Variants in GFPT2 observed in about 807,000 individuals in gnomAD.
GFPT2 encodes the protein glutamine--fructose-6-phosphate transaminase 2.
Under a neutral mutation model 85.6 loss-of-function variants are expected in GFPT2, and 62 were observed. That is an observed-to-expected ratio of 0.72 (90% confidence interval 0.59 to 0.90). GFPT2 has a LOEUF of 0.90. Ranked by LOEUF, GFPT2 falls within the 40% of genes least tolerant of loss-of-function variation. The pLI, the probability that GFPT2 is intolerant of heterozygous loss-of-function variation, is 0.00. For synonymous variants in GFPT2, 368 were observed against 344.5 expected (o/e 1.07, Z -0.75); for missense variants, 788 against 893.4 (o/e 0.88, Z 1.50).
At chr5:180,338,752 C>T (rs1314248434) in intron 1 of GFPT2, 152 bp from the exon 2 acceptor site, 6 of 577,814 alleles carry the variant, frequency 1.0e-5, no homozygotes, top group East Asian at 5.9e-5. Context: ...AGCTGAAGAA[C>T]GGTGCACCCC....
rs1380481860 is a variant in GFPT2 at position 180,324,188 on chromosome 5, C to T, written c.794G>A (p.Ser265Asn). 13 of 1,553,856 alleles carry T rather than the reference C, an allele frequency of 8.4e-6. No homozygotes were observed. Among genetic ancestry groups the T allele is most frequent in the Non-Finnish European group, 1.2e-5 (13 of 1,126,262 alleles). Residue 265 changes from serine to asparagine, a missense_variant and splice_region_variant, in exon 9 of 19, where the codon AGC (serine) becomes AAC (asparagine). Physicochemically the swap from Ser to Asn is conservative, Grantham distance 46 (BLOSUM62 1). Transcript: ENST00000253778. Reference sequence around the variant, plus strand: ...AGCGAAGAGAAGAAGGCTCAGTTACCTTGCATCAGAAGCAAAGAAGAATTC... The same window carrying T: ...AGCGAAGAGAAGAAGGCTCAGTTACTTTGCATCAGAAGCAAAGAAGAATTC... ...AVEFFFASDASAIIEHTNRVI... is the reference protein window; with the variant it reads ...AVEFFFASDANAIIEHTNRVI...
intron 16 of GFPT2, 31 bp from the exon 17 acceptor site, chr5:180,304,970 C>G: frequency 2.0e-6 from 3 of 1,527,172 alleles, no homozygotes; most frequent in Non-Finnish European, 2.7e-6. Context: ...CAGAGTCACA[C>G]TGGGCAGATG....
Position 180,318,687 on chromosome 5 carries a change from G to A in GFPT2, c.958+106C>T. 1.1e-6 allele frequency: 1 copy of A among 949,320 alleles called. No individual in the cohort carries two copies. The highest frequency in any genetic ancestry group is 1.6e-6 in the Non-Finnish European group (1 of 621,774). The allele number at this position is 949,320 out of a possible 1,614,324, so 58.8% of individuals were successfully genotyped here. ...GCAGCCCCGCCCTGGTGGCCACAGA[G>A]GGCAGGAGGGCTGTGGCCTCTACTA... On this transcript the variant is annotated intron_variant, in intron 10 of 18. Coordinates refer to ENST00000253778, the MANE Select transcript of GFPT2 (RefSeq NM_005110.4). This position sits in a 1 kb window ranked among gnomAD's most constrained non-coding sequence, Gnocchi z 4.2.
At position 180,328,318 on chromosome 5, in the gene GFPT2, A is replaced by G; in HGVS notation, c.555T>C (p.Val185=). 1 of 1,613,476 alleles carries G rather than the reference A, an allele frequency of 6.2e-7. No individual in the cohort carries two copies. Among genetic ancestry groups the G allele is most frequent in the Non-Finnish European group, 8.5e-7 (1 of 1,179,494 alleles). The stretch of plus-strand genomic sequence containing the variant: ...CTCCTGGGTAGTGGACACTCTTGAA[A>G]ACCAGCGCGAATGCACCTTCCTGAA... ...IQQLEGAFAL[V]FKSVHYPGEA... is the part of the protein sequence containing the mutation. Residue 185 remains valine (V), a synonymous_variant, in exon 7 of 19, where the codon GTT becomes GTC. Transcript: ENST00000253778. The surrounding 1 kb of genome is among the most constrained non-coding windows in gnomAD (Gnocchi z 5.4).
chr5:180,338,524 C>T lies in GFPT2; in HGVS notation c.84G>A (p.Gln28=), dbSNP rs1561882992. 1 of 1,611,814 alleles carries T rather than the reference C, an allele frequency of 6.2e-7. No individual in the cohort carries two copies. Among genetic ancestry groups the T allele is most frequent in the East Asian group, 2.2e-5 (1 of 44,872 alleles). Residue 28 remains glutamine, a synonymous_variant, in exon 2 of 19, where the codon CAG becomes CAA. Coordinates refer to ENST00000253778, the MANE Select transcript of GFPT2 (RefSeq NM_005110.4). Reference sequence around the variant, plus strand: ...AGTCGTAGCCTCTGTACTCCAGCCGCTGCAGGCCCTTGATGAGGGTTTCGA... The same window carrying T: ...AGTCGTAGCCTCTGTACTCCAGCCGTTGCAGGCCCTTGATGAGGGTTTCGA... ...EIFETLIKGL[Q]RLEYRGYDSA...
chr5:180,331,775 G>A (rs1298127812), intron 4 of GFPT2: 1 of 546,406 alleles, frequency 1.8e-6, no homozygotes, highest in Non-Finnish European at 3.3e-6. Context: ...TACTACAATG[G>A]GATCCGGAGG....
chr5:180,314,443 C>T (rs1763963023), intron 13 of GFPT2, among the ~76,000 whole-genome samples: 1 of 152,254 alleles, frequency 6.6e-6, no homozygotes, highest in Non-Finnish European at 1.5e-5. Flanking sequence ...TTGCAAGCCT[C>T]TCAGTGTGGA....
chr5:180,315,463 C>T (rs780897967), intron 13 of GFPT2, among the ~76,000 whole-genome samples: 6 of 151,836 alleles, frequency 4.0e-5, no homozygotes, highest in Non-Finnish European at 5.9e-5. Context: ...CAGGCGTGAG[C>T]CACCGCGCCC....
rs1254857892 is a variant in GFPT2 at position 180,307,342 on chromosome 5, G to A, written c.1547-39C>T. 1.9e-6 allele frequency: 3 copies of A among 1,609,394 alleles called. No homozygotes were observed. The South Asian group carries it at 3.3e-5, about 18-fold the overall frequency. On this transcript the variant is annotated intron_variant, in intron 15 of 18. Coordinates refer to ENST00000253778, the MANE Select transcript of GFPT2 (RefSeq NM_005110.4). ...GGAGCAGAGGGAGAAAACCAGTCAGGCCGACTTTAAAGCAATATTCATGAA... is the reference window on the plus strand; with the variant it reads ...GGAGCAGAGGGAGAAAACCAGTCAGACCGACTTTAAAGCAATATTCATGAA...
At chr5:180,325,228 A>G (rs1764194002) in intron 7 of GFPT2, among the ~76,000 whole-genome samples, 1 of 152,260 alleles carries the variant, frequency 6.6e-6, no homozygotes, top group Admixed American at 6.5e-5. Flanking sequence ...TTGGCAGCAG[A>G]GGAGGCGCTG....
At chr5:180,302,302 A>AAAGC in intron 18 of GFPT2, 121 bp downstream of exon 18, 1 of 716,714 alleles carries the variant, frequency 1.4e-6, no homozygotes, top group Non-Finnish European at 2.1e-6. Flanking sequence ...AAAAAAAAAG[A>AAAGC]AAGCTACTTT....
chr5:180,346,260 G>C (rs1029703013), intron 1 of GFPT2, among the ~76,000 whole-genome samples: 3 of 152,066 alleles, frequency 2.0e-5, no homozygotes, highest in African/African-American at 4.8e-5. Context: ...GCAAGCCTGG[G>C]CTCACCACTT....
At chr5:180,306,515 G>A (rs551794686) in intron 16 of GFPT2, among the ~76,000 whole-genome samples, 1 of 152,384 alleles carries the variant, frequency 6.6e-6, no homozygotes, top group African/African-American at 2.4e-5. Flanking sequence ...GGGCAGCCCT[G>A]TGGCCCTGGC....
At chr5:180,324,995 C>A (rs1581379243) in intron 7 of GFPT2, 100 bp from the exon 8 acceptor site, 2 of 795,046 alleles carry the variant, frequency 2.5e-6, no homozygotes, top group East Asian at 4.9e-5. Flanking sequence ...CTAGCCCTTT[C>A]CCAGTGGTGG....
intron 13 of GFPT2, among the ~76,000 whole-genome samples, chr5:180,316,032 C>T (rs58437941): frequency 0.024 from 3,634 of 152,270 alleles, 117 homozygotes; most frequent in East Asian, 0.14. Flanking sequence ...ATGAGCACTT[C>T]GGTAAGTGGT....
intron 11 of GFPT2, 37 bp downstream of exon 11, chr5:180,316,926 G>A: frequency 6.4e-7 from 1 of 1,554,658 alleles, no homozygotes; most frequent in Non-Finnish European, 8.9e-7. Context: ...CTGAGACTAG[G>A]CTCGGGCGGA....
Position 180,304,839 on chromosome 5 carries a change from A to G in GFPT2, c.1775T>C (p.Met592Thr), listed in dbSNP as rs2127645927. 6.2e-7 allele frequency: 1 copy of G among 1,614,150 alleles called. No individual in the cohort carries two copies. The highest frequency in any genetic ancestry group is 1.7e-4 in the Middle Eastern group (1 of 6,058). ...GAAGCAAGGATCCTTCATAATGACC[A>G]TGATGACGGGCATCTGCTTGTCAAT... ...ALIDKQMPVIMVIMKDPCFAK... is the reference protein window; with the variant it reads ...ALIDKQMPVITVIMKDPCFAK... The change falls in exon 17 of 19, where the codon ATG (methionine) becomes ACG (threonine). Residue 592 changes from methionine to threonine, a missense_variant. Transcript: ENST00000253778.
At chr5:180,313,617 T>A (rs1470831937) in intron 14 of GFPT2, among the ~76,000 whole-genome samples, 190 bp downstream of exon 14, 3 of 146,006 alleles carry the variant, frequency 2.1e-5, no homozygotes, top group African/African-American at 7.7e-5. Context: ...AAAATAAAAA[T>A]AAAAATAAAA....
At chr5:180,310,728 GGGA>G in intron 15 of GFPT2, among the ~76,000 whole-genome samples, 1 of 149,358 alleles carries the variant, frequency 6.7e-6, no homozygotes, top group South Asian at 2.1e-4. Flanking sequence ...CCATTCTTAA[GGGA>G]AACTGGGTGT....
Sources: gnomAD v4.1 joint callset for allele counts (sites outside exome capture counted in the v4.1 genomes callset) on GRCh38, gnomAD v4.1.1 for gene constraint, Gnocchi (gnomAD v3.1) non-coding constraint, MANE v1.5 for transcripts, NCBI Gene and HGNC (gene_info 2026-07-23, HGNC 2026-07-21) for gene names.